Variants in BPTF observed in about 807,000 individuals in gnomAD.
BPTF encodes nucleosome-remodeling factor subunit BPTF.
In BPTF, 18 loss-of-function variants were observed where a neutral mutation model predicts 292.5. That is an observed-to-expected ratio of 0.06 (90% CI 0.04 to 0.09). BPTF has a LOEUF of 0.09. Ranked by LOEUF, BPTF falls within the 10% of genes least tolerant of loss-of-function variation. The pLI, the probability that BPTF is intolerant of heterozygous loss-of-function variation, is 1.00. For synonymous variants in BPTF, 1,225 were observed against 1,251.9 expected (o/e 0.98, Z 0.45); for missense variants, 2,726 against 3,498.7 (o/e 0.78, Z 5.57).
At chr17:67,832,256 A>T (rs946718403) in intron 1 of BPTF, among the ~76,000 whole-genome samples, 23 of 146,374 alleles carry the variant, frequency 1.6e-4, no homozygotes, top group South Asian at 4.3e-4. Flanking sequence ...TTCTTAATTT[A>T]AAAAAAAAAA....
At chr17:67,845,810 A>T (rs1021651716) in intron 1 of BPTF, among the ~76,000 whole-genome samples, 1 of 149,548 alleles carries the variant, frequency 6.7e-6, no homozygotes, top group Non-Finnish European at 1.5e-5. Flanking sequence ...ATTTATAACT[A>T]TGTATTTATA....
At chr17:67,843,678 G>C (rs1046277807) in intron 1 of BPTF, among the ~76,000 whole-genome samples, 1 of 148,332 alleles carries the variant, frequency 6.7e-6, no homozygotes, top group African/African-American at 2.5e-5. Context: ...CTTTACTATA[G>C]AGCAGTTCTA....
chr17:67,940,401 G>C, intron 18 of BPTF, 38 bp from the exon 19 acceptor site: 1 of 1,558,576 alleles, frequency 6.4e-7, no homozygotes, highest in Non-Finnish European at 8.8e-7. Flanking sequence ...TAATGCCAAG[G>C]GTGTATAAGC....
chr17:67,931,593 C>T (rs1289552751), intron 17 of BPTF, among the ~76,000 whole-genome samples: 2 of 152,300 alleles, frequency 1.3e-5, no homozygotes, highest in Admixed American at 1.3e-4. Flanking sequence ...ACAGAAAGTG[C>T]GACTCCACAT....
chr17:67,866,518 G>C lies in BPTF; in HGVS notation c.1491G>C (p.Lys497Asn). Residue 497 changes from lysine to asparagine, a missense_variant, in exon 3 of 28, where the codon AAG (lysine) becomes AAC (asparagine). Lys to Asn is a moderately conservative substitution (Grantham distance 94). This residue lies in a region of BPTF where 187 missense variants were observed against 201.5 expected (regional missense o/e 0.93). Transcript: ENST00000306378. ...NEKKIWYYST[K>N]VQLAELIDCL... ...AGAAAATTTGGTATTACAGCACAAA[G>C]GTCCAACTTGCAGAATTAATTGACT... 6.2e-7 allele frequency: 1 copy of C among 1,614,072 alleles called. No individual in the cohort carries two copies. The highest frequency in any genetic ancestry group is 1.1e-5 in the South Asian group (1 of 91,074).
At position 67,883,294 on chromosome 17, in the gene BPTF, C is replaced by T. The variant is rs989955192; in HGVS notation, c.1864+8274C>T. Among the ~76,000 whole-genome samples, 9 of 151,880 alleles carry T rather than the reference C, an allele frequency of 5.9e-5. 1 individual carries two copies. The highest frequency in any genetic ancestry group is 2.9e-5 in the Non-Finnish European group (2 of 67,954). On this transcript the variant is annotated intron_variant, in intron 4 of 27. Transcript: ENST00000306378. ...TCACGCCACTGCACTTCAGCCTGGGCGACAGAGCGAGACTCCATCTAAAAT... is the reference window on the plus strand; with the variant it reads ...TCACGCCACTGCACTTCAGCCTGGGTGACAGAGCGAGACTCCATCTAAAAT...
chr17:67,960,795 C>G lies in BPTF; in HGVS notation c.8261+920C>G, dbSNP rs375219937. Among the ~76,000 whole-genome samples the G allele has an allele frequency of 6.6e-5, 10 of 152,238 alleles. No individual in the cohort carries two copies. In the South Asian group the frequency reaches 8.3e-4, roughly 13 times the overall value. ...GATTCCTAAAATAAAATTGTGGTCC[C>G]TTTAATGATGTTCAAGTTGCAACAT... On this transcript the variant is annotated intron_variant, in intron 24 of 27. Coordinates refer to ENST00000306378, the MANE Select transcript of BPTF (RefSeq NM_182641.4).
chr17:67,848,021 C>T (rs1473920531), intron 1 of BPTF, among the ~76,000 whole-genome samples: 2 of 152,078 alleles, frequency 1.3e-5, no homozygotes, highest in African/African-American at 4.8e-5. Context: ...AATGAACTTC[C>T]CCCTTCTCTA....
chr17:67,860,644 C>T (rs927728516), intron 2 of BPTF, among the ~76,000 whole-genome samples: 1 of 152,204 alleles, frequency 6.6e-6, no homozygotes, highest in Non-Finnish European at 1.5e-5. Context: ...TTAGGACCTA[C>T]TAAAATAGAA....
At chr17:67,863,640 T>C (rs936280013) in intron 2 of BPTF, among the ~76,000 whole-genome samples, 8 of 152,320 alleles carry the variant, frequency 5.3e-5, no homozygotes, top group Non-Finnish European at 7.3e-5. Flanking sequence ...AGGATACCAG[T>C]CATTTGACTT....
intron 13 of BPTF, among the ~76,000 whole-genome samples, chr17:67,921,582 G>A (rs1018868912): frequency 1.5e-4 from 23 of 151,958 alleles, no homozygotes; most frequent in South Asian, 2.1e-4. Context: ...AGATAGAAAC[G>A]TAGTGTTTTT....
intron 11 of BPTF, among the ~76,000 whole-genome samples, chr17:67,915,998 T>C (rs1261616675): frequency 1.3e-5 from 2 of 152,196 alleles, no homozygotes; most frequent in Non-Finnish European, 2.9e-5. Context: ...GGACAAACTT[T>C]TCCTTGCAAA....
Position 67,945,725 on chromosome 17 carries a change from T to C in BPTF, c.7017T>C (p.Ser2339=). The stretch of plus-strand genomic sequence containing the variant: ...CTCAAAGTAATGTCCAAGGACAGTC[T>C]CCTGTTCGTGTCCAAAGTCCATCAC... ...SQPQSNVQGQ[S]PVRVQSPSQT... Residue 2339 remains serine (S), a synonymous_variant, in exon 21 of 28, where the codon TCT becomes TCC. Transcript: ENST00000306378. 1 of 1,614,164 alleles carries C rather than the reference T, an allele frequency of 6.2e-7. No individual in the cohort carries two copies. Among genetic ancestry groups the C allele is most frequent in the Non-Finnish European group, 8.5e-7 (1 of 1,180,026 alleles).
chr17:67,915,302 C>T (rs2062910466), intron 11 of BPTF, among the ~76,000 whole-genome samples: 1 of 152,148 alleles, frequency 6.6e-6, no homozygotes, highest in African/African-American at 2.4e-5. Context: ...CAGAAAGATT[C>T]TCCTAAAATG....
At chr17:67,917,034 ATG>A (rs1172369953) in intron 11 of BPTF, among the ~76,000 whole-genome samples, 1 of 151,890 alleles carries the variant, frequency 6.6e-6, no homozygotes, top group African/African-American at 2.4e-5. Flanking sequence ...TTTTTTAAGA[ATG>A]TGTAAAACGT....
At position 67,982,431 on chromosome 17, in the gene BPTF, A is replaced by G. The variant is rs1555697158; in HGVS notation, c.*143A>G. 3 of 624,838 alleles carry G rather than the reference A, an allele frequency of 4.8e-6. No individual in the cohort carries two copies. The highest frequency in any genetic ancestry group is 1.9e-5 in the African/African-American group (1 of 52,726). 38.7% of individuals were successfully genotyped at this position (624,838 alleles called of 1,614,324 possible). A position where few individuals can be genotyped will look rare whatever the true frequency, so the allele number is the denominator to read the frequency against. On this transcript the variant is annotated 3_prime_UTR_variant, in exon 28 of 28. Coordinates refer to ENST00000306378, the MANE Select transcript of BPTF (RefSeq NM_182641.4). ...CGTTTTTATTGGTCATAACAGTCCA[A>G]TTATATTCTTGGCCAATTTTGTCCA...
At chr17:67,849,709 G>A (rs1343480278) in intron 1 of BPTF, among the ~76,000 whole-genome samples, 1 of 151,952 alleles carries the variant, frequency 6.6e-6, no homozygotes, top group Non-Finnish European at 1.5e-5. Flanking sequence ...AGGCTAAGGC[G>A]GGTGGATCAC....
rs2055978382 is a variant in BPTF at position 67,826,028 on chromosome 17, A to G, written c.304A>G (p.Thr102Ala). 14 of 1,172,914 alleles carry G rather than the reference A, an allele frequency of 1.2e-5. No homozygotes were observed. The highest frequency in any genetic ancestry group is 1.5e-5 in the Non-Finnish European group (14 of 930,562). 72.7% of individuals were successfully genotyped at this position (1,172,914 alleles called of 1,614,324 possible). The change falls in exon 1 of 28, where the codon ACG (threonine) becomes GCG (alanine). Residue 102 changes from threonine to alanine, a missense_variant. Thr to Ala is a moderately conservative substitution (Grantham distance 58, BLOSUM62 0). Transcript: ENST00000306378. ...RGGRGGGGGR[T>A]GGGGGGGHLA... is the part of the protein sequence containing the mutation. ...GGGGCGAGGAGGCGGGGGCGGCAGGACGGGGGGCGGGGGCGGCGGCGGCCA... is the reference window on the plus strand; with the variant it reads ...GGGGCGAGGAGGCGGGGGCGGCAGGGCGGGGGGCGGGGGCGGCGGCGGCCA...
intron 18 of BPTF, among the ~76,000 whole-genome samples, chr17:67,938,045 A>C (rs1366957046): frequency 6.6e-6 from 1 of 152,240 alleles, no homozygotes; most frequent in Non-Finnish European, 1.5e-5. Context: ...CCCAGGAGGC[A>C]GAAGTTGCAG....
Sources: allele counts gnomAD v4.1 joint callset (sites outside exome capture counted in the v4.1 genomes callset), GRCh38; gene constraint gnomAD v4.1.1; regional missense constraint gnomAD v4.1.1; transcripts MANE v1.5; gene names NCBI Gene and HGNC (gene_info 2026-07-23, HGNC 2026-07-21).